The following B4GALT1 variants were observed in gnomAD, a reference collection of about 807,000 sequenced individuals.
B4GALT1 encodes the protein beta-1,4-galactosyltransferase 1.
B4GALT1 carries 16 observed loss-of-function variants against 34.9 expected under a neutral mutation model. The ratio of observed to expected loss-of-function variants is 0.46; its 90% confidence interval spans 0.31 to 0.70. The LOEUF (loss-of-function observed/expected upper bound fraction) is 0.70, where lower values mean the gene tolerates loss of function less well. Among genes scored for constraint, B4GALT1 ranks in the 30% least tolerant of loss-of-function variants. The pLI is 0.05. For synonymous variants in B4GALT1, 221 were observed against 218.1 expected, an observed-to-expected ratio of 1.01 and a Z score of -0.12; for missense variants, 445 against 530.5, an observed-to-expected ratio of 0.84 and a Z score of 1.58.
intron 2 of B4GALT1, 29 bp from the exon 3 acceptor site, chr9:33,120,635 A>G: frequency 6.2e-7 from 1 of 1,611,930 alleles, no homozygotes; most frequent in South Asian, 1.1e-5. Flanking sequence ...CAGTGATATC[A>G]AATGCCTTAA....
chr9:33,119,560 T>TA, intron 3 of B4GALT1, among the ~76,000 whole-genome samples: 1 of 152,222 alleles, frequency 6.6e-6, no homozygotes, highest in East Asian at 1.9e-4. Flanking sequence ...CCACTAAAAA[T>TA]AAAAAATTAG....
the B4GALT1 span, among the ~76,000 whole-genome samples, chr9:33,175,635 G>C: frequency 0.012 from 1,829 of 152,202 alleles, 37 homozygotes; most frequent in African/African-American, 0.042. Context: ...TATTATTACT[G>C]TACCTTTTCT....
exon 3 of B4GALT1, chr9:33,104,769 T>C (rs1318373147): frequency 2.2e-6 from 1 of 455,532 alleles, no homozygotes; most frequent in Admixed American, 2.4e-5. Flanking sequence ...AGGAGTCTTC[T>C]TATTTTTTCA....
chr9:33,138,967 C>T (rs1340128996), intron 1 of B4GALT1, among the ~76,000 whole-genome samples: 1 of 151,976 alleles, frequency 6.6e-6, no homozygotes, highest in Non-Finnish European at 1.5e-5. Context: ...CGCTCTCTCA[C>T]CCTCACATAC....
At chr9:33,146,465 C>T (rs966045670) in intron 1 of B4GALT1, among the ~76,000 whole-genome samples, 6 of 152,168 alleles carry the variant, frequency 3.9e-5, no homozygotes, top group Non-Finnish European at 7.3e-5. Flanking sequence ...CTGGGGCAGC[C>T]ACCTGTGTCC....
At chr9:33,167,898 G>C (rs1840795899), upstream of B4GALT1, among the ~76,000 whole-genome samples, 1 of 152,230 alleles carries the variant, frequency 6.6e-6, no homozygotes, top group Admixed American at 6.5e-5. Context: ...GCTGGACCCC[G>C]CTGCTTAACG....
chr9:33,124,543 T>C (rs576279396), intron 2 of B4GALT1, among the ~76,000 whole-genome samples: 1 of 152,206 alleles, frequency 6.6e-6, no homozygotes, highest in Non-Finnish European at 1.5e-5. Flanking sequence ...TTTTTCAGAA[T>C]TAAGAAGACC....
chr9:33,140,865 T>C (rs1237233160), intron 1 of B4GALT1, among the ~76,000 whole-genome samples: 1 of 152,268 alleles, frequency 6.6e-6, no homozygotes, highest in East Asian at 1.9e-4. Flanking sequence ...TCTCGTGAAA[T>C]CACGGTGCCC....
chr9:33,163,532 G>A (rs1397246996), intron 1 of B4GALT1, among the ~76,000 whole-genome samples: 1 of 152,210 alleles, frequency 6.6e-6, no homozygotes, highest in Non-Finnish European at 1.5e-5. Flanking sequence ...CCCCAGGCCA[G>A]CCTGCCTCTC....
At chr9:33,156,141 C>T (rs1356317096) in intron 1 of B4GALT1, among the ~76,000 whole-genome samples, 29 of 149,102 alleles carry the variant, frequency 1.9e-4, no homozygotes, top group African/African-American at 6.9e-4. Context: ...TTTCGGGGGG[C>T]GGGGGAGGTG....
chr9:33,168,008 A>ATG (rs1430421114), upstream of B4GALT1, among the ~76,000 whole-genome samples: 20 of 152,212 alleles, frequency 1.3e-4, no homozygotes, highest in South Asian at 4.1e-4. Context: ...TTGGTTCCAG[A>ATG]TGTGTGTGTG....
Position 33,113,219 on chromosome 9 carries a change from C to G in B4GALT1, c.*235G>C. On this transcript the variant is annotated 3_prime_UTR_variant, in exon 6 of 6. Coordinates refer to ENST00000379731, the MANE Select transcript of B4GALT1 (RefSeq NM_001497.4). ...CTCTGGGGTGACACTGCGAACACAT[C>G]AAGAAACCCGCAAAGGCATAAACAC... 1 of 596,288 alleles carries G rather than the reference C, an allele frequency of 1.7e-6. No homozygotes were observed. Among genetic ancestry groups the G allele is most frequent in the Non-Finnish European group, 3.0e-6 (1 of 334,964 alleles). The allele number at this position is 596,288 out of a possible 1,614,324, so 36.9% of individuals were successfully genotyped here.
intron 2 of B4GALT1, among the ~76,000 whole-genome samples, chr9:33,126,002 T>C (rs1198884194): frequency 6.6e-6 from 1 of 151,068 alleles, no homozygotes; most frequent in African/African-American, 2.4e-5. Flanking sequence ...TCGCAATGAG[T>C]CAGAACTTCT....
At chr9:33,125,246 C>T (rs1403018673) in intron 2 of B4GALT1, among the ~76,000 whole-genome samples, 1 of 152,090 alleles carries the variant, frequency 6.6e-6, no homozygotes, top group Non-Finnish European at 1.5e-5. Flanking sequence ...GAAAAGCATG[C>T]ATGGTGAGAG....
At chr9:33,123,272 T>G (rs1463450774) in intron 2 of B4GALT1, among the ~76,000 whole-genome samples, 1 of 72,420 alleles carries the variant, frequency 1.4e-5, no homozygotes, top group African/African-American at 5.8e-5. Flanking sequence ...AGCGAGACAC[T>G]GTCTCAAAAA....
Position 33,167,154 on chromosome 9 carries a change from GCTCCCGAAGCCTCAT to G in B4GALT1, c.1_15del (p.MetArgLeuArgGlu1_?5), listed in dbSNP as rs1316460619. The stretch of plus-strand genomic sequence containing the variant: ...ATCGCGGCGCTGCCGCTCAGGAGCG[GCTCCCGAAGCCTCAT>G]CTTCCCGCCGCCGCTTTAAGAAGGG... On this transcript the variant is annotated start_lost and inframe_deletion, in exon 1 of 6. Transcript: ENST00000379731. 6.2e-7 allele frequency: 1 copy of G among 1,600,174 alleles called. No individual in the cohort carries two copies. Among genetic ancestry groups the G allele is most frequent in the African/African-American group, 1.3e-5 (1 of 74,480 alleles).
chr9:33,177,290 G>A, the B4GALT1 span: 1 of 152,136 alleles, frequency 6.6e-6, no homozygotes, highest in East Asian at 1.9e-4. Flanking sequence ...TCGCTGTGTT[G>A]TCATCCTCCT....
At chr9:33,126,098 G>C (rs1336024558) in intron 2 of B4GALT1, among the ~76,000 whole-genome samples, 1 of 152,180 alleles carries the variant, frequency 6.6e-6, no homozygotes, top group African/African-American at 2.4e-5. Context: ...CAAGAACGCA[G>C]CACTAAGCTC....
chr9:33,182,143 C>A, the B4GALT1 span, among the ~76,000 whole-genome samples: 4 of 152,134 alleles, frequency 2.6e-5, no homozygotes, highest in African/African-American at 9.7e-5. Flanking sequence ...TTCTTTCTTG[C>A]CTCTTCTAGC....
Sources: allele counts gnomAD v4.1 joint callset (sites outside exome capture counted in the v4.1 genomes callset), GRCh38; gene constraint gnomAD v4.1.1; transcripts MANE v1.5; gene names NCBI Gene and HGNC (gene_info 2026-07-23, HGNC 2026-07-21).